UBN2: variants seen among roughly 807,000 people sequenced by gnomAD.
UBN2 encodes the protein ubinuclein 2.
Under a neutral mutation model 120.2 loss-of-function variants are expected in UBN2, and 35 were observed. The observed-to-expected ratio is 0.29, with a 90% CI of 0.22 to 0.39. The LOEUF is 0.39. Among genes scored for constraint, UBN2 ranks in the 10% least tolerant of loss-of-function variants. The pLI is 1.00. For missense variants in UBN2, 1,693 were observed against 1,663.2 expected, an observed-to-expected ratio of 1.02 and a Z score of -0.31; for synonymous variants, 661 against 648.7, an observed-to-expected ratio of 1.02 and a Z score of -0.29.
At chr7:139,245,178 G>A (rs543536998) in intron 2 of UBN2, among the ~76,000 whole-genome samples, 3 of 146,856 alleles carry the variant, frequency 2.0e-5, no homozygotes, top group African/African-American at 5.1e-5. Flanking sequence ...GGGCTCAAGC[G>A]ATCAACCTGC....
intron 6 of UBN2, among the ~76,000 whole-genome samples, chr7:139,262,793 A>G (rs1202290958): frequency 1.3e-5 from 2 of 151,924 alleles, no homozygotes; most frequent in African/African-American, 4.8e-5. Context: ...TTTTATTATT[A>G]AACAGCGGGA....
chr7:139,315,275 G>C, the UBN2 span: 1 of 152,126 alleles, frequency 6.6e-6, no homozygotes, highest in East Asian at 1.9e-4. Context: ...GCGCCCGGGA[G>C]ATATAATATT....
Position 139,283,080 on chromosome 7 carries a change from C to A in UBN2, c.2175C>A (p.Ser725Arg). Residue 725 changes from serine to arginine, a missense_variant, in exon 15 of 18, where the codon AGC becomes AGA. Physicochemically the swap from Ser to Arg is moderately radical, Grantham distance 110. This residue lies in a region of UBN2 where 837 missense variants were observed against 817.6 expected (regional missense o/e 1.02). Coordinates refer to ENST00000473989, the MANE Select transcript of UBN2 (RefSeq NM_173569.4). Reference protein sequence around the residue: ...KTPTSLVASVSGPPTSSSTAA... With the variant: ...KTPTSLVASVRGPPTSSSTAA... Reference sequence around the variant, plus strand: ...CAACATCCCTGGTGGCTTCGGTTAGCGGTCCTCCAACGAGCTCCAGCACAG... The same window carrying A: ...CAACATCCCTGGTGGCTTCGGTTAGAGGTCCTCCAACGAGCTCCAGCACAG... The A allele has an allele frequency of 4.3e-6, 7 of 1,612,938 alleles. No homozygotes were observed. Among genetic ancestry groups the A allele is most frequent in the South Asian group, 1.1e-5 (1 of 90,976 alleles).
chr7:139,250,286 G>A (rs1045750142), intron 2 of UBN2, among the ~76,000 whole-genome samples: 3 of 152,060 alleles, frequency 2.0e-5, no homozygotes, highest in African/African-American at 7.2e-5. Context: ...AGGCTGAAGT[G>A]CAGTGGTACC....
intron 11 of UBN2, among the ~76,000 whole-genome samples, chr7:139,275,793 T>TG (rs747499214): frequency 6.6e-6 from 1 of 151,782 alleles, no homozygotes; most frequent in Non-Finnish European, 1.5e-5. Context: ...GGCAGCATAG[T>TG]GAGACCCCTG....
rs57038089 is a variant in UBN2, at chr7:139,298,325, G to A, written c.*489G>A. ...CTGTGTAGCAGATTTGCCACAAAAA[G>A]AAATAATAATGATTCTATCTCCGAT... is the stretch of plus-strand genomic sequence containing the variant. On this transcript the variant is annotated 3_prime_UTR_variant, in exon 18 of 18. Coordinates refer to ENST00000473989, the MANE Select transcript of UBN2 (RefSeq NM_173569.4). The A allele has an allele frequency of 0.082, 12,581 of 154,250 alleles. 911 individuals are homozygous for A. The highest frequency in any genetic ancestry group is 0.21 in the Admixed American group (3,223 of 15,546). The allele number at this position is 154,250 out of a possible 1,614,324, so 9.6% of individuals were successfully genotyped here.
chr7:139,313,007 A>G (rs921561977), downstream of UBN2, among the ~76,000 whole-genome samples: 7 of 151,860 alleles, frequency 4.6e-5, no homozygotes, highest in Non-Finnish European at 1.0e-4. Context: ...TTATTTCCAC[A>G]CCAGTATCTT....
Position 139,288,609 on chromosome 7 carries a change from G to A in UBN2, c.3669+4035G>A, listed in dbSNP as rs528700932. Among the ~76,000 whole-genome samples, 4 of 152,192 alleles carry A rather than the reference G, an allele frequency of 2.6e-5. No homozygotes were observed. The South Asian group carries it at 6.2e-4, about 24-fold the overall frequency. On this transcript the variant is annotated intron_variant, in intron 15 of 17. Coordinates refer to ENST00000473989, the MANE Select transcript of UBN2 (RefSeq NM_173569.4). ...AAGCTATTGGAGGTTCTTAAACAGG[G>A]GACTGATATGGTCTGATTTGCATTT...
chr7:139,324,349 C>CATGA, the UBN2 span, among the ~76,000 whole-genome samples: 2 of 151,284 alleles, frequency 1.3e-5, no homozygotes, highest in African/African-American at 4.9e-5. Flanking sequence ...GCGGGAGGAT[C>CATGA]ATGAGTTCAG....
chr7:139,306,065 CA>C lies in UBN2; in HGVS notation c.*8230del, dbSNP rs1311517329. ...AATCTGTGTTTTAAATATTTTATAACAGAGCACTAATGGAAACCTAATAAAT... is the reference window on the plus strand; with the variant it reads ...AATCTGTGTTTTAAATATTTTATAACGAGCACTAATGGAAACCTAATAAAT... On this transcript the variant is annotated 3_prime_UTR_variant, in exon 18 of 18. Coordinates refer to ENST00000473989, the MANE Select transcript of UBN2 (RefSeq NM_173569.4). 6.6e-6 allele frequency: 1 copy of C among 151,988 alleles called. No individual in the cohort carries two copies. The highest frequency in any genetic ancestry group is 6.6e-5 in the Admixed American group (1 of 15,254). The allele number at this position is 151,988 out of a possible 1,614,324, so 9.4% of individuals were successfully genotyped here.
At chr7:139,254,184 T>G (rs542723910) in intron 3 of UBN2, among the ~76,000 whole-genome samples, 1 of 152,130 alleles carries the variant, frequency 6.6e-6, no homozygotes, top group South Asian at 2.1e-4. Flanking sequence ...TCCCAGCTAC[T>G]CGGGAGGCTG....
intron 12 of UBN2, among the ~76,000 whole-genome samples, chr7:139,277,932 C>T (rs1797492639): frequency 1.3e-5 from 2 of 152,044 alleles, no homozygotes; most frequent in Admixed American, 1.3e-4. Context: ...TAAAAGAGAA[C>T]CGTTTAACAG....
chr7:139,278,252 A>G (rs1355823721), intron 12 of UBN2, among the ~76,000 whole-genome samples: 1 of 149,482 alleles, frequency 6.7e-6, no homozygotes, highest in Non-Finnish European at 1.5e-5. Context: ...CACGATCTCA[A>G]CTCGCTGCAA....
chr7:139,283,803 TTCC>T lies in UBN2; in HGVS notation c.2904_2906del (p.Ser969del). ...TAAGTAATAATCCCCAACTCTCCTG[TTCC>T]TCCTCACTTATTAAGACTTCAGATA... On this transcript the variant is annotated inframe_deletion, in exon 15 of 18. Coordinates refer to ENST00000473989, the MANE Select transcript of UBN2 (RefSeq NM_173569.4). The T allele has an allele frequency of 6.2e-7, 1 of 1,614,056 alleles. No homozygotes were observed. Among genetic ancestry groups the T allele is most frequent in the Non-Finnish European group, 8.5e-7 (1 of 1,180,008 alleles).
intron 2 of UBN2, among the ~76,000 whole-genome samples, chr7:139,241,923 A>G (rs1390798389): frequency 6.6e-6 from 1 of 152,124 alleles, no homozygotes; most frequent in Non-Finnish European, 1.5e-5. Context: ...CCTTGAACCC[A>G]GGAGGCAGAG....
Position 139,272,329 on chromosome 7 carries a change from G to A in UBN2, c.1604G>A (p.Arg535His), listed in dbSNP as rs747342378. 8.7e-6 allele frequency: 14 copies of A among 1,609,228 alleles called. No individual in the cohort carries two copies. Among genetic ancestry groups the A allele is most frequent in the Non-Finnish European group, 1.1e-5 (13 of 1,178,328 alleles). ...KKLHLNVQDD[R>H]LREPLQKLKL... ...GTATGTTTTTCTTTTTAGGATGATCGTTTAAGAGAACCTCTGCAAAAACTG... is the reference window on the plus strand; with the variant it reads ...GTATGTTTTTCTTTTTAGGATGATCATTTAAGAGAACCTCTGCAAAAACTG... The change falls in exon 9 of 18, where the codon CGT (arginine) becomes CAT (histidine). Residue 535 changes from arginine to histidine, a missense_variant. Around this residue, in one of 5 missense-constraint regions of UBN2, gnomAD observed 178 missense variants for 204.0 expected, o/e 0.87. Transcript: ENST00000473989.
the UBN2 span, among the ~76,000 whole-genome samples, chr7:139,324,487 C>T: frequency 5.4e-5 from 7 of 129,810 alleles, no homozygotes; most frequent in African/African-American, 1.2e-4. Context: ...AGCCAGAAGG[C>T]GGAGCTTGCA....
intron 12 of UBN2, chr7:139,276,983 T>A (rs1357858729): frequency 6.6e-6 from 1 of 151,898 alleles, no homozygotes; most frequent in African/African-American, 2.4e-5. Flanking sequence ...GGATGGCTTA[T>A]GCCAGAGAGG....
In UBN2 at chr7:139,293,947, A is replaced by G. The variant is rs61748981; in HGVS notation, c.3960A>G (p.Ser1320=). The G allele has an allele frequency of 9.1e-4, 1,467 of 1,613,772 alleles. 14 individuals carry two copies. In the African/African-American group the frequency reaches 0.017, roughly 18 times the overall value. Residue 1320 remains serine (S), a synonymous_variant, in exon 17 of 18, where the codon TCA becomes TCG. Coordinates refer to ENST00000473989, the MANE Select transcript of UBN2 (RefSeq NM_173569.4). ...GAQHAATLSH[S]PLPAHLQQAF... is the part of the protein sequence containing the mutation. ...AGCATGCAGCAACGCTTTCCCACTC[A>G]CCTCTGCCTGCACACTTACAGCAAG...
Sources: gnomAD v4.1 joint callset for allele counts (sites outside exome capture counted in the v4.1 genomes callset) on GRCh38, gnomAD v4.1.1 for gene constraint, gnomAD v4.1.1 regional missense constraint, MANE v1.5 for transcripts, NCBI Gene and HGNC (gene_info 2026-07-23, HGNC 2026-07-21) for gene names.